The following SPAG6 variants were observed in gnomAD, a reference collection of about 807,000 sequenced individuals.
The protein encoded by SPAG6 is sperm-associated antigen 6.
Under a neutral mutation model 58.5 loss-of-function variants are expected in SPAG6, and 49 were observed. The ratio of observed to expected loss-of-function variants is 0.84; its 90% CI spans 0.67 to 1.06. SPAG6 has a LOEUF of 1.06. Among genes scored for constraint, SPAG6 ranks in the 50% least tolerant of loss-of-function variants. The probability of loss-of-function intolerance (pLI) is 0.00; values close to 1 mark genes in which losing one functional copy is unlikely to be tolerated. For missense variants in SPAG6, 560 were observed against 611.3 expected (o/e 0.92, Z 0.89); for synonymous variants, 233 against 225.6 (o/e 1.03, Z -0.29).
chr10:22,401,137 A>G (rs753363511), intron 8 of SPAG6, 24 bp from the exon 9 acceptor site: 3 of 1,056,292 alleles, frequency 2.8e-6, no homozygotes, highest in South Asian at 2.5e-5. Flanking sequence ...TTACTTATGT[A>G]TACATTCTGC....
At chr10:22,405,766 T>C (rs1167431019) in intron 9 of SPAG6, among the ~76,000 whole-genome samples, 3 of 152,294 alleles carry the variant, frequency 2.0e-5, no homozygotes, top group South Asian at 2.1e-4. Flanking sequence ...CCATCTGGTC[T>C]TGGACTCTTT....
intron 2 of SPAG6, chr10:22,361,078 A>G: frequency 2.4e-6 from 1 of 409,264 alleles, no homozygotes. Context: ...AAGCACTAAG[A>G]GGCAATTTAA....
At chr10:22,381,931 T>C (rs898061235) in intron 4 of SPAG6, among the ~76,000 whole-genome samples, 4 of 152,212 alleles carry the variant, frequency 2.6e-5, no homozygotes, top group African/African-American at 7.2e-5. Context: ...TCCACTTAAA[T>C]TGCAACACTT....
chr10:22,415,935 CAT>C (rs1203353038), intron 10 of SPAG6, among the ~76,000 whole-genome samples: 24 of 152,056 alleles, frequency 1.6e-4, no homozygotes, highest in Admixed American at 6.5e-5. Flanking sequence ...CACTGATCAA[CAT>C]ATTTAATACT....
intron 2 of SPAG6, among the ~76,000 whole-genome samples, chr10:22,360,298 G>T: frequency 6.7e-6 from 1 of 149,062 alleles, no homozygotes; most frequent in African/African-American, 2.5e-5. Flanking sequence ...TTAAATTTTT[G>T]AGTGTCTTCT....
intron 8 of SPAG6, among the ~76,000 whole-genome samples, chr10:22,394,852 G>A (rs971758404): frequency 6.6e-6 from 1 of 152,132 alleles, no homozygotes; most frequent in Admixed American, 6.6e-5. Flanking sequence ...GACTACAAGT[G>A]TGTACTGCCA....
chr10:22,351,687 C>T (rs1337608746), intron 2 of SPAG6, among the ~76,000 whole-genome samples: 1 of 152,104 alleles, frequency 6.6e-6, no homozygotes, highest in Non-Finnish European at 1.5e-5. Context: ...TTGTACTAGC[C>T]TTAGGAGAAA....
At chr10:22,362,587 G>GA (rs1021006007) in intron 2 of SPAG6, among the ~76,000 whole-genome samples, 1 of 151,624 alleles carries the variant, frequency 6.6e-6, no homozygotes, top group African/African-American at 2.4e-5. Context: ...ACAAAAAAAT[G>GA]AAAAAAATTA....
intron 4 of SPAG6, among the ~76,000 whole-genome samples, chr10:22,375,543 G>T (rs989865932): frequency 6.6e-6 from 1 of 151,060 alleles, no homozygotes; most frequent in African/African-American, 2.4e-5. Flanking sequence ...GAACTAGTTT[G>T]CTCTAAAAGT....
chr10:22,379,499 C>T (rs1339594535), intron 4 of SPAG6, among the ~76,000 whole-genome samples: 2 of 152,220 alleles, frequency 1.3e-5, no homozygotes, highest in African/African-American at 2.4e-5. Flanking sequence ...GAGGAAGCCT[C>T]ATCATGAGCA....
At position 22,389,174 on chromosome 10, in the gene SPAG6, A is replaced by G. The variant is rs777315590; in HGVS notation, c.867A>G (p.Val289=). The change falls in exon 7 of 11, where the codon GTA becomes GTG. Residue 289 remains valine, a synonymous_variant. Transcript: ENST00000376624. The stretch of plus-strand genomic sequence containing the variant: ...CCATCGCTTAGCTTTCACAGCTGGT[A>G]GTTAACGCAGGAGGGGTTGCTGCCG... The part of the protein sequence containing the change: ...AKHTPELSQL[V]VNAGGVAAVI... The G allele has an allele frequency of 6.2e-6, 10 of 1,613,364 alleles. No individual in the cohort carries two copies. Among genetic ancestry groups the G allele is most frequent in the Admixed American group, 3.3e-5 (2 of 59,918 alleles).
At chr10:22,347,921 T>C (rs1564357933) in intron 2 of SPAG6, among the ~76,000 whole-genome samples, 1 of 152,242 alleles carries the variant, frequency 6.6e-6, no homozygotes, top group African/African-American at 2.4e-5. Flanking sequence ...CAATTTTAAA[T>C]ACAGACATAA....
intron 2 of SPAG6, among the ~76,000 whole-genome samples, chr10:22,352,281 G>A (rs1836750400): frequency 6.6e-6 from 1 of 151,836 alleles, no homozygotes; most frequent in Non-Finnish European, 1.5e-5. Flanking sequence ...CTATACCTGC[G>A]TCAAGTTAGA....
chr10:22,377,745 A>G (rs12257095), intron 4 of SPAG6, among the ~76,000 whole-genome samples: 7,878 of 152,180 alleles, frequency 0.052, 691 homozygotes, highest in African/African-American at 0.18. Context: ...TACCCTCCCA[A>G]TGTTTTATTT....
chr10:22,359,709 TA>T (rs920817927), intron 2 of SPAG6, among the ~76,000 whole-genome samples: 17 of 152,174 alleles, frequency 1.1e-4, no homozygotes, highest in African/African-American at 3.6e-4. Context: ...TTTGCCACAA[TA>T]AAAAAATTTT....
intron 8 of SPAG6, among the ~76,000 whole-genome samples, chr10:22,396,178 C>T (rs1834288270): frequency 6.6e-6 from 1 of 152,158 alleles, no homozygotes; most frequent in Non-Finnish European, 1.5e-5. Context: ...TATAGTTTGG[C>T]TCTGTGTCCC....
At chr10:22,396,930 C>T (rs187790111) in intron 8 of SPAG6, among the ~76,000 whole-genome samples, 178 of 152,248 alleles carry the variant, frequency 1.2e-3, no homozygotes, top group Non-Finnish European at 2.0e-3. Context: ...TAAACATTAA[C>T]TACTAAATGC....
chr10:22,407,413 A>T (rs1354452691), intron 9 of SPAG6, among the ~76,000 whole-genome samples: 2 of 151,530 alleles, frequency 1.3e-5, no homozygotes, highest in Non-Finnish European at 3.0e-5. Context: ...GTTTGGCTGG[A>T]TATGAAATTC....
In SPAG6 at chr10:22,386,707, A is replaced by G. The variant is rs752225340; in HGVS notation, c.473-47A>G. The G allele has an allele frequency of 8.8e-6, 13 of 1,480,590 alleles. No homozygotes were observed. In the South Asian group the frequency reaches 1.2e-4, roughly 14 times the overall value. The allele number at this position is 1,480,590 out of a possible 1,614,324, so 91.7% of individuals were successfully genotyped here. On this transcript the variant is annotated intron_variant, in intron 4 of 10. Transcript: ENST00000376624. ...GTCAGGGTGAAAAATGGCTTGCACA[A>G]GGGTCAGTCACCCATACTCACTTAA... is the stretch of plus-strand genomic sequence containing the variant.
Sources: allele counts gnomAD v4.1 joint callset (sites outside exome capture counted in the v4.1 genomes callset), GRCh38; gene constraint gnomAD v4.1.1; transcripts MANE v1.5; gene names NCBI Gene and HGNC (gene_info 2026-07-23, HGNC 2026-07-21).